The following ARHGAP42 variants were observed in gnomAD, a reference collection of about 807,000 sequenced individuals.
The protein encoded by ARHGAP42 is Rho GTPase activating protein 42, also known as rho GTPase-activating protein 42.
A neutral mutation model predicts 125.0 loss-of-function variants in ARHGAP42; 63 were observed. The ratio of observed to expected loss-of-function variants is 0.50; its 90% CI spans 0.41 to 0.62. ARHGAP42 has a LOEUF of 0.62. Ranked by LOEUF, ARHGAP42 falls within the 20% of genes least tolerant of loss-of-function variation. The pLI is 0.00. For missense variants in ARHGAP42, 766 were observed against 1,024.2 expected (o/e 0.75, Z 3.44); for synonymous variants, 339 against 351.0 (o/e 0.97, Z 0.38).
chr11:100,954,160 G>A (rs1216181963), intron 12 of ARHGAP42, among the ~76,000 whole-genome samples: 1 of 152,090 alleles, frequency 6.6e-6, no homozygotes, highest in Non-Finnish European at 1.5e-5. Context: ...ATTCAAATAT[G>A]AGTTTTGTGT....
intron 6 of ARHGAP42, among the ~76,000 whole-genome samples, 185 bp downstream of exon 6, chr11:100,921,789 T>C (rs1169353527): frequency 6.6e-6 from 1 of 151,992 alleles, no homozygotes; most frequent in Non-Finnish European, 1.5e-5. Flanking sequence ...TTTTGTACAA[T>C]AGAGTAGTGA....
chr11:100,845,939 G>A (rs760885836), intron 3 of ARHGAP42, among the ~76,000 whole-genome samples: 1 of 152,260 alleles, frequency 6.6e-6, no homozygotes, highest in Middle Eastern at 3.4e-3. Context: ...AAGACAGCAG[G>A]CCATTGCTTA....
At chr11:100,909,627 A>G (rs1253720777) in intron 4 of ARHGAP42, among the ~76,000 whole-genome samples, 1 of 152,112 alleles carries the variant, frequency 6.6e-6, no homozygotes, top group Admixed American at 6.6e-5. Context: ...AGCCACCGGC[A>G]TCCAGCCTTC....
In ARHGAP42 at chr11:100,770,700, C is replaced by T. The variant is rs594552; in HGVS notation, c.250+262C>T. On this transcript the variant is annotated intron_variant, in intron 2 of 23. Transcript: ENST00000298815. ...TCAAGTGGTTCTCCTGTCTCAGCCT[C>T]CTGAGTAGCTGGGATTACAGGCATC... Among the ~76,000 whole-genome samples, 1,206 of 152,224 alleles carry T rather than the reference C, an allele frequency of 7.9e-3. 15 individuals carry two copies. The highest frequency in any genetic ancestry group is 0.027 in the African/African-American group (1,135 of 41,532).
intron 8 of ARHGAP42, among the ~76,000 whole-genome samples, 193 bp from the exon 9 acceptor site, chr11:100,941,591 C>T (rs1225920463): frequency 2.1e-5 from 2 of 93,632 alleles, no homozygotes; most frequent in African/African-American, 4.3e-5. Context: ...CAAGCAGAGC[C>T]ACGTTGTCTG....
At chr11:100,814,248 T>A (rs1242300845) in intron 3 of ARHGAP42, among the ~76,000 whole-genome samples, 1 of 150,972 alleles carries the variant, frequency 6.6e-6, no homozygotes, top group Non-Finnish European at 1.5e-5. Context: ...TCCCAGCTAC[T>A]TGGGAGGCTG....
intron 4 of ARHGAP42, among the ~76,000 whole-genome samples, chr11:100,874,591 C>T (rs866046393): frequency 2.0e-5 from 3 of 152,196 alleles, no homozygotes; most frequent in Non-Finnish European, 4.4e-5. Flanking sequence ...CCCGTATTTT[C>T]CATGGAGTTC....
chr11:100,705,013 C>CA (rs1211966921), intron 1 of ARHGAP42, among the ~76,000 whole-genome samples: 749 of 54,734 alleles, frequency 0.014, 6 homozygotes, highest in African/African-American at 0.036. Flanking sequence ...ACAACAACAA[C>CA]AAAAAAAAAA....
intron 4 of ARHGAP42, among the ~76,000 whole-genome samples, chr11:100,912,663 C>G (rs1008106349): frequency 1.3e-5 from 2 of 152,094 alleles, no homozygotes; most frequent in African/African-American, 4.8e-5. Context: ...CAGGAATGTC[C>G]TCTTCCCTTC....
At chr11:100,887,937 A>G (rs1866130613) in intron 4 of ARHGAP42, among the ~76,000 whole-genome samples, 1 of 152,222 alleles carries the variant, frequency 6.6e-6, no homozygotes, top group Admixed American at 6.5e-5. Flanking sequence ...TCCTCCCTGC[A>G]TCACAGTCCC....
At chr11:100,810,458 C>CT (rs1475240308) in intron 3 of ARHGAP42, among the ~76,000 whole-genome samples, 1 of 152,084 alleles carries the variant, frequency 6.6e-6, no homozygotes, top group Non-Finnish European at 1.5e-5. Context: ...AAAACCTTAC[C>CT]TTTTTTACAT....
intron 3 of ARHGAP42, among the ~76,000 whole-genome samples, chr11:100,813,422 C>G (rs1189255110): frequency 5.3e-5 from 8 of 152,130 alleles, no homozygotes; most frequent in Non-Finnish European, 1.2e-4. Context: ...TAGGGGGTAA[C>G]AGGTGTGGTG....
At chr11:100,848,331 C>A (rs899953764) in intron 3 of ARHGAP42, among the ~76,000 whole-genome samples, 3 of 152,072 alleles carry the variant, frequency 2.0e-5, no homozygotes, top group Admixed American at 6.6e-5. Flanking sequence ...TAGGACACTA[C>A]TGAAAGCAGA....
At chr11:100,986,457 C>T (rs1858680656) in intron 22 of ARHGAP42, 1 of 192,046 alleles carries the variant, frequency 5.2e-6, no homozygotes, top group South Asian at 9.4e-5. Context: ...GGAGACCACC[C>T]GGCACCTGAC....
intron 3 of ARHGAP42, among the ~76,000 whole-genome samples, chr11:100,841,525 G>T (rs946639108): frequency 3.9e-5 from 6 of 152,072 alleles, no homozygotes; most frequent in Non-Finnish European, 5.9e-5. Context: ...ATCCTTTATT[G>T]TTATAATCAC....
intron 4 of ARHGAP42, among the ~76,000 whole-genome samples, chr11:100,890,374 T>C (rs1020627981): frequency 6.6e-6 from 1 of 152,224 alleles, no homozygotes; most frequent in Non-Finnish European, 1.5e-5. Context: ...TGTATTATCC[T>C]ACAAGTTCCA....
In ARHGAP42 at chr11:100,992,960, T is replaced by C. The variant is rs1858880386; in HGVS notation, c.*4159T>C. The C allele has an allele frequency of 2.4e-6, 1 of 409,204 alleles. No homozygotes were observed. Among genetic ancestry groups the C allele is most frequent in the Non-Finnish European group, 4.5e-6 (1 of 221,780 alleles). The allele number at this position is 409,204 out of a possible 1,614,324, so 25.3% of individuals were successfully genotyped here. On this transcript the variant is annotated 3_prime_UTR_variant, in exon 24 of 24. Coordinates refer to ENST00000298815, the MANE Select transcript of ARHGAP42 (RefSeq NM_152432.4). The stretch of plus-strand genomic sequence containing the variant: ...AGTGTGGATTTTTCTTGGTGCTCTA[T>C]GGAGAAATGGAGTCTGTGTGCTTAC...
intron 1 of ARHGAP42, among the ~76,000 whole-genome samples, chr11:100,689,656 C>T (rs994059097): frequency 1.3e-5 from 2 of 152,086 alleles, no homozygotes; most frequent in Non-Finnish European, 1.5e-5. Context: ...AGATATAGGC[C>T]CTGCATCATT....
intron 22 of ARHGAP42, among the ~76,000 whole-genome samples, chr11:100,979,409 A>G (rs533384): frequency 0.26 from 39,326 of 152,050 alleles, 6,290 homozygotes; most frequent in East Asian, 0.69. Flanking sequence ...AGGAATCATC[A>G]TGAATATCCA....
Sources: allele counts gnomAD v4.1 joint callset (sites outside exome capture counted in the v4.1 genomes callset), GRCh38; gene constraint gnomAD v4.1.1; transcripts MANE v1.5; gene names NCBI Gene and HGNC (gene_info 2026-07-23, HGNC 2026-07-21).